UGT1A3: variants seen among roughly 807,000 people sequenced by gnomAD.
UGT1A3 encodes the protein UDP glucuronosyltransferase family 1 member A3, also known as UDP-glucuronosyltransferase 1A3.
UGT1A3 carries 31 observed loss-of-function variants against 41.0 expected under a neutral mutation model. The observed-to-expected ratio is 0.76, with a 90% CI of 0.57 to 1.02. The LOEUF (loss-of-function observed/expected upper bound fraction) is 1.02, where lower values mean the gene tolerates loss of function less well. UGT1A3 is among the 50% of genes least tolerant of loss of function. The pLI is 0.00. For synonymous variants in UGT1A3, 262 were observed against 257.6 expected (o/e 1.02, Z -0.17); for missense variants, 737 against 671.0 (o/e 1.10, Z -1.09).
chr2:233,733,965 G>T (rs1401939828), intron 1 of UGT1A3, among the ~76,000 whole-genome samples: 1 of 152,058 alleles, frequency 6.6e-6, no homozygotes, highest in Non-Finnish European at 1.5e-5. Flanking sequence ...GTGGGGTAGG[G>T]GGAGCGGGGA....
chr2:233,755,103 A>G, intron 1 of UGT1A3: 1 of 1,335,002 alleles, frequency 7.5e-7, no homozygotes, highest in Non-Finnish European at 1.0e-6. Flanking sequence ...CGCGTCCGAC[A>G]ACACCTCGTA....
chr2:233,751,271 T>G (rs1694686966), intron 1 of UGT1A3, among the ~76,000 whole-genome samples: 2 of 151,964 alleles, frequency 1.3e-5, no homozygotes, highest in African/African-American at 4.9e-5. Flanking sequence ...CCCCTTTTTT[T>G]GGCCAGTTTC....
In UGT1A3 at chr2:233,768,069, G is replaced by T. The variant is rs191770279; in HGVS notation, c.1087+133G>T. ...CATATCCTACATTGCTTTTTATCTAGTGGGGTATCTCAACCCACATTTTCT... is the reference window on the plus strand; with the variant it reads ...CATATCCTACATTGCTTTTTATCTATTGGGGTATCTCAACCCACATTTTCT... On this transcript the variant is annotated intron_variant, in intron 3 of 4. Transcript: ENST00000482026. The T allele has an allele frequency of 3.1e-6, 5 of 1,596,368 alleles. No homozygotes were observed. In the East Asian group the frequency reaches 1.1e-4, roughly 36 times the overall value.
Position 233,768,455 on chromosome 2 carries a change from CAGA to C in UGT1A3, c.1307+21_1307+23del, listed in dbSNP as rs1237588109. On this transcript the variant is annotated intron_variant, in intron 4 of 4. Transcript: ENST00000482026. The stretch of plus-strand genomic sequence containing the variant: ...ATGACAAAAGGTAAGAAAGAAGATA[CAGA>C]AGAATACTTTGGTCATGGCATTCAT... 4 of 1,610,124 alleles carry C rather than the reference CAGA, an allele frequency of 2.5e-6. No homozygotes were observed. The African/African-American group carries it at 5.4e-5, about 22-fold the overall frequency.
At chr2:233,732,938 A>G (rs2078338826) in intron 1 of UGT1A3, among the ~76,000 whole-genome samples, 1 of 152,098 alleles carries the variant, frequency 6.6e-6, no homozygotes, top group South Asian at 2.1e-4. Flanking sequence ...CTTCCTATCC[A>G]TGAGCATGGA....
At chr2:233,755,509 C>T (rs143373661) in intron 1 of UGT1A3, 2 of 166,052 alleles carry the variant, frequency 1.2e-5, no homozygotes, top group Middle Eastern at 2.8e-3. Context: ...GACCAGGCCC[C>T]GCCCACTCCG....
chr2:233,751,166 C>A lies in UGT1A3; in HGVS notation c.868-15868C>A, dbSNP rs1022992608. ...AGCCCACTTCTGGCATCAGCATGAC[C>A]TAGATATGAGACATGAAGTTAAAGG... On this transcript the variant is annotated intron_variant, in intron 1 of 4. Transcript: ENST00000482026. 3.9e-5 allele frequency among the ~76,000 whole-genome samples: 6 copies of A among 151,970 alleles called. 1 individual carries two copies. Among genetic ancestry groups the A allele is most frequent in the African/African-American group, 1.5e-4 (6 of 41,220 alleles).
intron 1 of UGT1A3, among the ~76,000 whole-genome samples, chr2:233,748,852 G>A (rs1236663773): frequency 6.6e-6 from 1 of 151,452 alleles, no homozygotes; most frequent in Non-Finnish European, 1.5e-5. Flanking sequence ...GAGCGTATAA[G>A]CCCAGTTAAG....
intron 1 of UGT1A3, among the ~76,000 whole-genome samples, chr2:233,738,130 C>T (rs1187217692): frequency 6.6e-6 from 1 of 152,186 alleles, no homozygotes; most frequent in Admixed American, 6.5e-5. Flanking sequence ...ATAAGGGGCC[C>T]TTATCCCTTC....
rs201093245 is a variant in UGT1A3, at chr2:233,760,862, A to G, written c.868-6172A>G. ...ACCCAGTGCCCCAACCCATTCTCCT[A>G]CGTGCCCAGGCCTCTCTCCTCTCAT... is the stretch of plus-strand genomic sequence containing the variant. On this transcript the variant is annotated intron_variant, in intron 1 of 4. Transcript: ENST00000482026. 6.2e-7 allele frequency: 1 copy of G among 1,614,000 alleles called. No homozygotes were observed. The highest frequency in any genetic ancestry group is 1.7e-5 in the Admixed American group (1 of 60,012).
At chr2:233,768,051 T>C in intron 3 of UGT1A3, 115 bp downstream of exon 3, 1 of 1,605,492 alleles carries the variant, frequency 6.2e-7, no homozygotes, top group South Asian at 1.1e-5. Flanking sequence ...CAACATATCC[T>C]ACATTGCTTT....
At chr2:233,736,231 C>G (rs570595506) in intron 1 of UGT1A3, among the ~76,000 whole-genome samples, 1 of 152,102 alleles carries the variant, frequency 6.6e-6, no homozygotes, top group African/African-American at 2.4e-5. Flanking sequence ...TTTTCTCTAA[C>G]CTTGTCTTCT....
At chr2:233,772,225 G>A in intron 4 of UGT1A3, 37 bp from the exon 5 acceptor site, 2 of 1,613,382 alleles carry the variant, frequency 1.2e-6, no homozygotes, top group Non-Finnish European at 1.7e-6. Flanking sequence ...TCATACCACA[G>A]GTGTTCCAGG....
chr2:233,734,099 A>G (rs1454975810), intron 1 of UGT1A3, among the ~76,000 whole-genome samples: 11 of 151,694 alleles, frequency 7.3e-5, no homozygotes, highest in African/African-American at 2.7e-4. Flanking sequence ...TAAAACTTAA[A>G]GTATAATAAT....
At chr2:233,766,271 G>A (rs926044962) in intron 1 of UGT1A3, among the ~76,000 whole-genome samples, 6 of 67,896 alleles carry the variant, frequency 8.8e-5, no homozygotes, top group Non-Finnish European at 1.8e-4. Context: ...GCCCGGGCTC[G>A]GTGGCCCGGG....
chr2:233,742,937 T>C (rs1692142343), intron 1 of UGT1A3: 1 of 214,468 alleles, frequency 4.7e-6, no homozygotes, highest in African/African-American at 2.4e-5. Context: ...CATTCTGTCC[T>C]ACCACTAGCA....
Position 233,739,198 on chromosome 2 carries a change from G to A in UGT1A3, c.867+9205G>A, listed in dbSNP as rs555664061. On this transcript the variant is annotated intron_variant, in intron 1 of 4. Coordinates refer to ENST00000482026, the MANE Select transcript of UGT1A3 (RefSeq NM_019093.4). ...GAAATGCTTGGATGTCCAGGCAGAC[G>A]TTTGCTGCATGGATAGAGTCCTTAT... 7.2e-5 allele frequency: 11 copies of A among 152,362 alleles called. No individual in the cohort carries two copies. The East Asian group carries it at 9.6e-4, about 13-fold the overall frequency. 9.4% of individuals were successfully genotyped at this position (152,362 alleles called of 1,614,324 possible).
chr2:233,767,710 G>A, intron 2 of UGT1A3, 139 bp from the exon 3 acceptor site: 1 of 1,527,870 alleles, frequency 6.5e-7, no homozygotes, highest in Non-Finnish European at 8.8e-7. Context: ...GTCCTCAGAA[G>A]CCTTCACAGT....
intron 2 of UGT1A3, among the ~76,000 whole-genome samples, chr2:233,767,421 A>G (rs1260096333): frequency 6.6e-6 from 1 of 152,234 alleles, no homozygotes; most frequent in Non-Finnish European, 1.5e-5. Context: ...TCAAAAGTGT[A>G]TTAGGGAGAA....
Sources: gnomAD v4.1 joint callset for allele counts (sites outside exome capture counted in the v4.1 genomes callset) on GRCh38, gnomAD v4.1.1 for gene constraint, MANE v1.5 for transcripts, NCBI Gene and HGNC (gene_info 2026-07-23, HGNC 2026-07-21) for gene names.